PIEZO2: variants seen among roughly 807,000 people sequenced by gnomAD.
The protein encoded by PIEZO2 is piezo-type mechanosensitive ion channel component 2.
PIEZO2 carries 172 observed loss-of-function variants against 337.3 expected under a neutral mutation model. The ratio of observed to expected loss-of-function variants is 0.51; its 90% CI spans 0.45 to 0.58. PIEZO2 has a LOEUF of 0.58. Among genes scored for constraint, PIEZO2 ranks in the 20% least tolerant of loss-of-function variants. The pLI, the probability that PIEZO2 is intolerant of heterozygous loss-of-function variation, is 0.00. For missense variants in PIEZO2, 3,028 were observed against 3,391.3 expected, an observed-to-expected ratio of 0.89 and a Z score of 2.66; for synonymous variants, 1,251 against 1,228.5, an observed-to-expected ratio of 1.02 and a Z score of -0.38.
chr18:10,688,071 G>T (rs1173943326), intron 49 of PIEZO2, among the ~76,000 whole-genome samples: 2 of 152,132 alleles, frequency 1.3e-5, no homozygotes, highest in African/African-American at 2.4e-5. Flanking sequence ...CATGTGCCGT[G>T]GTGGTTTGCT....
At chr18:10,711,989 A>G (rs142326919) in intron 39 of PIEZO2, among the ~76,000 whole-genome samples, 1 of 26,840 alleles carries the variant, frequency 3.7e-5, no homozygotes, top group Admixed American at 3.8e-4. Flanking sequence ...ATAAATGAAC[A>G]AACAAATAAA....
rs370048277 is a variant in PIEZO2, at chr18:11,063,793, T to C, written c.160+2334A>G. Among the ~76,000 whole-genome samples, 3 of 152,320 alleles carry C rather than the reference T, an allele frequency of 2.0e-5. No homozygotes were observed. The South Asian group carries it at 6.2e-4, about 32-fold the overall frequency. Reference sequence around the variant, plus strand: ...TTCAGTTTGCCAATGTACTTTCATATAATTCACAGAATGTGTATTAACACA... The same window carrying C: ...TTCAGTTTGCCAATGTACTTTCATACAATTCACAGAATGTGTATTAACACA... On this transcript the variant is annotated intron_variant, in intron 2 of 55. Transcript: ENST00000674853.
intron 2 of PIEZO2, among the ~76,000 whole-genome samples, chr18:10,997,255 A>AG (rs1347490034): frequency 1.3e-4 from 20 of 151,900 alleles, no homozygotes; most frequent in Admixed American, 3.3e-4. Context: ...AAAAAAAAAA[A>AG]AAAGAAAGAA....
intron 3 of PIEZO2, among the ~76,000 whole-genome samples, chr18:10,924,366 G>A (rs1598697100): frequency 1.3e-5 from 2 of 152,098 alleles, no homozygotes; most frequent in Admixed American, 1.3e-4. Flanking sequence ...TGTGTATTAA[G>A]GTCAAATCCA....
intron 3 of PIEZO2, among the ~76,000 whole-genome samples, chr18:10,914,348 C>A (rs1184087502): frequency 1.3e-5 from 2 of 151,824 alleles, no homozygotes; most frequent in Admixed American, 6.6e-5. Flanking sequence ...GATGTCCAGT[C>A]ATCTCTCAGT....
rs1345947370 is a variant in PIEZO2 at position 10,853,118 on chromosome 18, T to C, written c.917+2235A>G. ...GAGCATTCGGTGAGGGAAGAGCACT[T>C]CAAGTGAGCGAAGAGCACTTCAAGT... On this transcript the variant is annotated intron_variant, in intron 7 of 55. Coordinates refer to ENST00000674853, the MANE Select transcript of PIEZO2 (RefSeq NM_001378183.1). This position sits in a 1 kb window ranked among gnomAD's most constrained non-coding sequence, Gnocchi z 4.2. 2.6e-5 allele frequency among the ~76,000 whole-genome samples: 4 copies of C among 152,206 alleles called. No individual in the cohort carries two copies. The highest frequency in any genetic ancestry group is 2.6e-4 in the Admixed American group (4 of 15,296).
intron 4 of PIEZO2, among the ~76,000 whole-genome samples, chr18:10,891,345 T>C (rs1023262082): frequency 1.3e-5 from 2 of 152,122 alleles, no homozygotes; most frequent in African/African-American, 4.8e-5. Flanking sequence ...GAAAGTGCAT[T>C]GCTTCCTGCG....
chr18:10,709,110 A>C (rs893359785), intron 39 of PIEZO2: 1 of 152,182 alleles, frequency 6.6e-6, no homozygotes, highest in African/African-American at 2.4e-5. Context: ...GAACAAAGGA[A>C]CTTGAGCAAT....
intron 39 of PIEZO2, among the ~76,000 whole-genome samples, chr18:10,712,273 C>T (rs962697749): frequency 6.6e-6 from 1 of 152,222 alleles, no homozygotes; most frequent in Non-Finnish European, 1.5e-5. Context: ...CTTGCCCATG[C>T]AGGGTCCCTC....
intron 2 of PIEZO2, among the ~76,000 whole-genome samples, chr18:10,998,430 AT>A (rs201632863): frequency 0.024 from 3,618 of 152,166 alleles, 67 homozygotes; most frequent in Non-Finnish European, 0.032. Flanking sequence ...CTAGAAAAAA[AT>A]CTCTCTTTTT....
chr18:10,781,881 A>C lies in PIEZO2; in HGVS notation c.2493-1515T>G, dbSNP rs2038995405. The stretch of plus-strand genomic sequence containing the variant: ...CTGATCTGTGGGCCATTTCTTGTAA[A>C]GCAACTGTTTAGGAGGCAGGAGCAG... On this transcript the variant is annotated intron_variant, in intron 17 of 55. Transcript: ENST00000674853. This position sits in a 1 kb window ranked among gnomAD's most constrained non-coding sequence, Gnocchi z 4.1. Among the ~76,000 whole-genome samples the C allele has an allele frequency of 6.6e-6, 1 of 152,086 alleles. No homozygotes were observed. The highest frequency in any genetic ancestry group is 1.5e-5 in the Non-Finnish European group (1 of 68,014).
chr18:10,699,774 A>G (rs1363374121), intron 43 of PIEZO2, among the ~76,000 whole-genome samples: 1 of 152,234 alleles, frequency 6.6e-6, no homozygotes, highest in East Asian at 1.9e-4. Context: ...GGACTAAGGA[A>G]GAAATTACAG....
chr18:10,736,920 G>T (rs1460793302), intron 33 of PIEZO2, among the ~76,000 whole-genome samples: 1 of 151,714 alleles, frequency 6.6e-6, no homozygotes, highest in Admixed American at 6.6e-5. Context: ...AGAGTATGAG[G>T]CCTTGTCTTT....
At chr18:11,145,716 T>C (rs902925990) in intron 1 of PIEZO2, among the ~76,000 whole-genome samples, 1 of 152,210 alleles carries the variant, frequency 6.6e-6, no homozygotes. Context: ...AAGAATCAAA[T>C]GCTCAAATAA....
At chr18:10,719,810 C>T (rs552287727) in intron 36 of PIEZO2, among the ~76,000 whole-genome samples, 1 of 151,618 alleles carries the variant, frequency 6.6e-6, no homozygotes, top group Admixed American at 6.6e-5. Context: ...TATTTGGGTA[C>T]CAGTGATTGA....
intron 3 of PIEZO2, among the ~76,000 whole-genome samples, chr18:10,956,225 A>T (rs1187771148): frequency 6.6e-6 from 1 of 152,224 alleles, no homozygotes; most frequent in Non-Finnish European, 1.5e-5. Context: ...ATACAAAAAT[A>T]AGTAGTTTCT....
chr18:10,973,180 G>A lies in PIEZO2; in HGVS notation c.286+6355C>T, dbSNP rs963201055. On this transcript the variant is annotated intron_variant, in intron 3 of 55. Coordinates refer to ENST00000674853, the MANE Select transcript of PIEZO2 (RefSeq NM_001378183.1). The surrounding 1 kb of genome is among the most constrained non-coding windows in gnomAD (Gnocchi z 4.9). ...TAAAGGTGAATCAAAATATCAACAC[G>A]GCATTGGCCTAAGGGTTGTTCATAC... 1.4e-4 allele frequency among the ~76,000 whole-genome samples: 21 copies of A among 152,208 alleles called. No individual in the cohort carries two copies. Among genetic ancestry groups the A allele is most frequent in the African/African-American group, 4.3e-4 (18 of 41,462 alleles).
rs114717407 is a variant in PIEZO2 at position 11,141,667 on chromosome 18, C to A, written c.64+6858G>T. On this transcript the variant is annotated intron_variant, in intron 1 of 55. Transcript: ENST00000674853. Reference sequence around the variant, plus strand: ...ATGTGCAGGCTAAGGAGCAGACGAACGGCTTGTTCACTTGACCTAGAACTC... The same window carrying A: ...ATGTGCAGGCTAAGGAGCAGACGAAAGGCTTGTTCACTTGACCTAGAACTC... Among the ~76,000 whole-genome samples the A allele has an allele frequency of 3.9e-3, 590 of 152,308 alleles. 3 individuals carry two copies. The highest frequency in any genetic ancestry group is 0.013 in the African/African-American group (544 of 41,560).
In PIEZO2 at chr18:10,837,718, T is replaced by C. The variant is rs141244607; in HGVS notation, c.917+17635A>G. 9.2e-4 allele frequency among the ~76,000 whole-genome samples: 140 copies of C among 152,264 alleles called. No homozygotes were observed. The highest frequency in any genetic ancestry group is 3.2e-3 in the African/African-American group (134 of 41,554). ...ATATCCTCACAAAGCAATGTTTGTG[T>C]TCCCAACCATTTTATAAAATTTCCT... On this transcript the variant is annotated intron_variant, in intron 7 of 55. Transcript: ENST00000674853. The surrounding 1 kb of genome is among the most constrained non-coding windows in gnomAD (Gnocchi z 4.4).
Sources: allele counts gnomAD v4.1 joint callset (sites outside exome capture counted in the v4.1 genomes callset), GRCh38; gene constraint gnomAD v4.1.1; non-coding constraint Gnocchi (gnomAD v3.1); transcripts MANE v1.5; gene names NCBI Gene and HGNC (gene_info 2026-07-23, HGNC 2026-07-21).